SAMD12: variants seen among roughly 807,000 people sequenced by gnomAD.
SAMD12 encodes sterile alpha motif domain-containing protein 12.
A neutral mutation model predicts 15.0 loss-of-function variants in SAMD12; 9 were observed. The ratio of observed to expected loss-of-function variants is 0.60; its 90% CI spans 0.36 to 1.05. The LOEUF (loss-of-function observed/expected upper bound fraction) is 1.05. SAMD12 is among the 50% of genes least tolerant of loss of function. The pLI, the probability that SAMD12 is intolerant of heterozygous loss-of-function variation, is 0.01. For synonymous variants in SAMD12, 86 were observed against 90.1 expected (o/e 0.96, Z 0.25); for missense variants, 230 against 234.2 (o/e 0.98, Z 0.12).
intron 4 of SAMD12, among the ~76,000 whole-genome samples, chr8:118,226,563 T>C (rs1161935877): frequency 6.6e-6 from 1 of 152,222 alleles, no homozygotes; most frequent in Non-Finnish European, 1.5e-5. Flanking sequence ...TCCATCAATT[T>C]ATCCAACTAT....
At chr8:118,349,583 G>A (rs886162352) in intron 4 of SAMD12, among the ~76,000 whole-genome samples, 13 of 151,562 alleles carry the variant, frequency 8.6e-5, no homozygotes, top group African/African-American at 2.9e-4. Context: ...ACATTCTACA[G>A]GCTTCCATGG....
intron 4 of SAMD12, among the ~76,000 whole-genome samples, chr8:118,231,935 C>T (rs1348291693): frequency 6.6e-6 from 1 of 152,030 alleles, no homozygotes; most frequent in Non-Finnish European, 1.5e-5. Flanking sequence ...CCTTCATACT[C>T]TTTTACTTTC....
chr8:118,564,572 C>T (rs1826798484), intron 2 of SAMD12, among the ~76,000 whole-genome samples: 1 of 152,172 alleles, frequency 6.6e-6, no homozygotes, highest in Non-Finnish European at 1.5e-5. Context: ...AAGTCATGAT[C>T]AATACTGACT....
chr8:118,320,679 G>C (rs1816195874), intron 4 of SAMD12, among the ~76,000 whole-genome samples: 1 of 146,316 alleles, frequency 6.8e-6, no homozygotes, highest in South Asian at 2.2e-4. Flanking sequence ...GGGTGGGGGG[G>C]GTGGGGAGGG....
chr8:118,197,369 C>T (rs1819595260), exon 5 of SAMD12: 1 of 364,482 alleles, frequency 2.7e-6, no homozygotes, highest in Admixed American at 4.2e-5. Flanking sequence ...AGTTGCCATG[C>T]TAAAACAGGA....
At chr8:118,382,919 G>A (rs141057265) in intron 3 of SAMD12, among the ~76,000 whole-genome samples, 1 of 152,224 alleles carries the variant, frequency 6.6e-6, no homozygotes, top group East Asian at 1.9e-4. Context: ...CCGATTCACG[G>A]TCTTCTTTGG....
intron 2 of SAMD12, among the ~76,000 whole-genome samples, chr8:118,472,114 T>C (rs1050516536): frequency 2.0e-5 from 3 of 151,946 alleles, no homozygotes; most frequent in East Asian, 1.9e-4. Context: ...GGTGAAACCC[T>C]GTCTCCACTA....
At chr8:118,457,886 A>G (rs1823305620) in intron 2 of SAMD12, among the ~76,000 whole-genome samples, 1 of 152,226 alleles carries the variant, frequency 6.6e-6, no homozygotes, top group African/African-American at 2.4e-5. Context: ...TTTTCTTCCA[A>G]TATGACTTGT....
intron 2 of SAMD12, among the ~76,000 whole-genome samples, chr8:118,563,682 C>A (rs1826771266): frequency 6.6e-6 from 1 of 152,206 alleles, no homozygotes; most frequent in African/African-American, 2.4e-5. Context: ...TTTCTACTTG[C>A]ATCTCTATAA....
chr8:118,330,519 A>G (rs1330371384), intron 4 of SAMD12, among the ~76,000 whole-genome samples: 1 of 152,218 alleles, frequency 6.6e-6, no homozygotes, highest in African/African-American at 2.4e-5. Flanking sequence ...AAATAAACAT[A>G]ACATACAAAA....
chr8:118,528,635 A>G lies in SAMD12; in HGVS notation c.192+52080T>C, dbSNP rs141777701. On this transcript the variant is annotated intron_variant, in intron 2 of 3. Transcript: ENST00000314727. ...TCTTTTTGGTGTAGGCATCTAAGAG[A>G]TTTGGCCAATGCCCAGAACCATGTA... Among the ~76,000 whole-genome samples the G allele has an allele frequency of 5.3e-5, 8 of 152,314 alleles. No individual in the cohort carries two copies. In the East Asian group the frequency reaches 1.5e-3, roughly 29 times the overall value.
At chr8:118,620,592 T>A (rs1586864085) in intron 1 of SAMD12, among the ~76,000 whole-genome samples, 1 of 151,994 alleles carries the variant, frequency 6.6e-6, no homozygotes, top group East Asian at 1.9e-4. Context: ...TTTCCCGAGT[T>A]TATGGGTGCT....
intron 2 of SAMD12, among the ~76,000 whole-genome samples, chr8:118,449,564 C>T (rs1340264711): frequency 6.6e-6 from 1 of 151,640 alleles, no homozygotes; most frequent in African/African-American, 2.4e-5. Context: ...GTAATCCCAG[C>T]ACTTTGGAAG....
At chr8:118,605,856 C>T (rs538223414) in intron 1 of SAMD12, among the ~76,000 whole-genome samples, 6 of 130,512 alleles carry the variant, frequency 4.6e-5, no homozygotes, top group Non-Finnish European at 8.0e-5. Flanking sequence ...ACCAGTATAG[C>T]TGTATGTACA....
intron 2 of SAMD12, among the ~76,000 whole-genome samples, chr8:118,454,406 T>A (rs1823179600): frequency 6.6e-6 from 1 of 152,180 alleles, no homozygotes; most frequent in African/African-American, 2.4e-5. Context: ...TGAAATTTCA[T>A]GAGAATGTGC....
chr8:118,596,282 C>A (rs1827722804), intron 1 of SAMD12, among the ~76,000 whole-genome samples: 1 of 152,156 alleles, frequency 6.6e-6, no homozygotes, highest in African/African-American at 2.4e-5. Flanking sequence ...TATTTAAATT[C>A]TAGGAACTAG....
At chr8:118,494,623 T>G (rs1392025301) in intron 2 of SAMD12, among the ~76,000 whole-genome samples, 2 of 152,320 alleles carry the variant, frequency 1.3e-5, no homozygotes, top group Admixed American at 1.3e-4. Context: ...CACCTTCCTC[T>G]TATTCACCTG....
At chr8:118,457,222 CTT>C (rs796704911) in intron 2 of SAMD12, among the ~76,000 whole-genome samples, 3,925 of 140,648 alleles carry the variant, frequency 0.028, 143 homozygotes, top group African/African-American at 0.086. Flanking sequence ...CTCTCTCTCT[CTT>C]TTTTTTTTTT....
At chr8:118,428,391 G>A (rs4242579) in intron 3 of SAMD12, among the ~76,000 whole-genome samples, 80,115 of 151,382 alleles carry the variant, frequency 0.53, 23,474 homozygotes, top group Non-Finnish European at 0.64. Flanking sequence ...AGAGCAAGAC[G>A]CTGTCTCAAA....
Sources: allele counts gnomAD v4.1 joint callset (sites outside exome capture counted in the v4.1 genomes callset), GRCh38; gene constraint gnomAD v4.1.1; transcripts MANE v1.5; gene names NCBI Gene and HGNC (gene_info 2026-07-23, HGNC 2026-07-21).